The following DNAH8 variants were observed in gnomAD, a reference collection of about 807,000 sequenced individuals.
DNAH8 encodes the protein axonemal beta dynein heavy chain 8.
Under a neutral mutation model 562.1 loss-of-function variants are expected in DNAH8, and 382 were observed. The observed-to-expected ratio is 0.68, with a 90% CI of 0.63 to 0.74. DNAH8 has a LOEUF of 0.74. Among genes scored for constraint, DNAH8 ranks in the 30% least tolerant of loss-of-function variants. DNAH8 has a pLI of 0.00. For missense variants in DNAH8, 5,203 were observed against 5,620.4 expected (o/e 0.93, Z 2.37); for synonymous variants, 1,881 against 1,919.4 (o/e 0.98, Z 0.52).
At chr6:38,876,909 A>T (rs1343207031) in intron 53 of DNAH8, among the ~76,000 whole-genome samples, 2 of 152,178 alleles carry the variant, frequency 1.3e-5, no homozygotes, top group Non-Finnish European at 2.9e-5. Flanking sequence ...GAGATAAATA[A>T]ATTTTTTCAG....
intron 81 of DNAH8, among the ~76,000 whole-genome samples, chr6:38,951,058 T>G (rs1411166318): frequency 6.6e-6 from 1 of 152,156 alleles, no homozygotes; most frequent in East Asian, 1.9e-4. Context: ...GCCCCTACCA[T>G]GTGTTGGAGC....
chr6:38,718,886 A>G (rs757113218), intron 1 of DNAH8, among the ~76,000 whole-genome samples: 1 of 152,116 alleles, frequency 6.6e-6, no homozygotes, highest in Non-Finnish European at 1.5e-5. Context: ...CCCTGCTTTG[A>G]CCTGTTCATA....
intron 35 of DNAH8, 151 bp from the exon 36 acceptor site, chr6:38,845,423 T>G (rs1183520571): frequency 1.6e-5 from 10 of 616,832 alleles, no homozygotes; most frequent in Middle Eastern, 4.1e-4. Flanking sequence ...TGCAACACAA[T>G]GATCTGAAGC....
chr6:39,014,514 A>G (rs1479009646), intron 91 of DNAH8, among the ~76,000 whole-genome samples: 7 of 152,220 alleles, frequency 4.6e-5, no homozygotes, highest in Non-Finnish European at 1.0e-4. Context: ...AAAGGAGCCT[A>G]TAATCTGGTT....
rs1022353296 is a variant in DNAH8, at chr6:38,835,426, C to T, written c.4365+785C>T. On this transcript the variant is annotated intron_variant, in intron 32 of 92. Transcript: ENST00000327475. ...CTGCTAAAATCTGATAGAGAGATAG[C>T]AAGCTAGAGAGAAAACTGCAAGTGC... is the stretch of plus-strand genomic sequence containing the variant. 3.3e-5 allele frequency among the ~76,000 whole-genome samples: 5 copies of T among 151,872 alleles called. No homozygotes were observed. The South Asian group carries it at 6.2e-4, about 19-fold the overall frequency.
intron 79 of DNAH8, 88 bp downstream of exon 79, chr6:38,939,076 C>A (rs940808882): frequency 9.9e-7 from 1 of 1,008,570 alleles, no homozygotes; most frequent in Non-Finnish European, 1.4e-6. Context: ...TTCTGTGATA[C>A]AGTAGGGAAA....
At position 38,787,695 on chromosome 6, in the gene DNAH8, C is replaced by CAAAAAAAAAAAAAAAAAA. The variant is rs67293877; in HGVS notation, c.2583+749_2583+766dup. Among the ~76,000 whole-genome samples, 2 of 79,620 alleles carry CAAAAAAAAAAAAAAAAAA rather than the reference C, an allele frequency of 2.5e-5. 1 individual carries two copies. 52.2% of individuals were successfully genotyped at this position (79,620 alleles called of 152,430 possible). The stretch of plus-strand genomic sequence containing the variant: ...TGGGTGACAGAGTAAGACTCCATCT[C>CAAAAAAAAAAAAAAAAAA]AAAAAAAAAAAAAAAAAAAAAAAGT... On this transcript the variant is annotated intron_variant, in intron 18 of 92. Transcript: ENST00000327475.
rs547151761 is a variant in DNAH8 at position 38,983,945 on chromosome 6, G to A, written c.12952-261G>A. On this transcript the variant is annotated intron_variant, in intron 86 of 92. Coordinates refer to ENST00000327475, the MANE Select transcript of DNAH8 (RefSeq NM_001206927.2). ...AATTATATCCCCAGAGTGAAAATTA[G>A]TCTTTTTCCCTATTTTAAATAATAT... is the stretch of plus-strand genomic sequence containing the variant. Among the ~76,000 whole-genome samples the A allele has an allele frequency of 3.3e-5, 5 of 152,206 alleles. No individual in the cohort carries two copies. The East Asian group carries it at 9.6e-4, about 29-fold the overall frequency.
intron 11 of DNAH8, among the ~76,000 whole-genome samples, chr6:38,766,978 A>C (rs1562707815): frequency 6.6e-6 from 1 of 152,166 alleles, no homozygotes; most frequent in African/African-American, 2.4e-5. Context: ...CTCTTTTTGT[A>C]TAATTAAAAA....
intron 4 of DNAH8, among the ~76,000 whole-genome samples, chr6:38,731,730 G>T (rs1045883087): frequency 9.9e-5 from 15 of 152,232 alleles, no homozygotes; most frequent in Admixed American, 8.5e-4. Context: ...TGTTGTTTTT[G>T]TTGAAGCAGA....
chr6:38,852,167 G>T (rs1775800315), intron 39 of DNAH8, among the ~76,000 whole-genome samples: 1 of 152,080 alleles, frequency 6.6e-6, no homozygotes, highest in South Asian at 2.1e-4. Context: ...ATTTCCTAGA[G>T]CAATACTTTG....
intron 69 of DNAH8, 102 bp downstream of exon 69, chr6:38,917,508 A>T: frequency 2.1e-6 from 2 of 950,072 alleles, no homozygotes; most frequent in South Asian, 3.5e-5. Context: ...ATAATTGATC[A>T]TTGCGTATTG....
At chr6:38,847,572 A>G (rs1775397232) in intron 36 of DNAH8, among the ~76,000 whole-genome samples, 1 of 152,112 alleles carries the variant, frequency 6.6e-6, no homozygotes, top group South Asian at 2.1e-4. Context: ...AACTTCATGT[A>G]TAACATAGGC....
intron 41 of DNAH8, among the ~76,000 whole-genome samples, chr6:38,855,896 A>G (rs1776158743): frequency 1.3e-5 from 2 of 152,254 alleles, no homozygotes; most frequent in Admixed American, 6.5e-5. Context: ...GGCGAACCCT[A>G]TTGTGAACTG....
intron 41 of DNAH8, among the ~76,000 whole-genome samples, chr6:38,855,836 T>C (rs1776152167): frequency 6.6e-6 from 1 of 152,210 alleles, no homozygotes; most frequent in Non-Finnish European, 1.5e-5. Context: ...CATGACTGCC[T>C]GTGCTCCACC....
chr6:38,761,587 C>T (rs1172493513), intron 10 of DNAH8, 115 bp from the exon 11 acceptor site: 1 of 564,700 alleles, frequency 1.8e-6, no homozygotes, highest in Admixed American at 4.1e-5. Flanking sequence ...TGAGCCACTG[C>T]ACTTGGCCCA....
At position 38,973,784 on chromosome 6, in the gene DNAH8, C is replaced by T. The variant is rs779471571; in HGVS notation, c.12649C>T (p.His4217Tyr). ...SFRVWITTEP[H>Y]DRFPITLLQT... ...CCGAGTATGGATAACTACGGAGCCC[C>T]ATGATCGATTTCCAATTACATTGCT... Residue 4217 changes from histidine to tyrosine, a missense_variant, in exon 84 of 93, where the codon CAT becomes TAT. By Grantham distance (83) the His-to-Tyr change is moderately conservative. Transcript: ENST00000327475. 2 of 1,605,962 alleles carry T rather than the reference C, an allele frequency of 1.2e-6. No individual in the cohort carries two copies. Among genetic ancestry groups the T allele is most frequent in the Non-Finnish European group, 1.7e-6 (2 of 1,177,642 alleles).
intron 33 of DNAH8, 63 bp downstream of exon 33, chr6:38,838,105 C>T: frequency 9.7e-7 from 1 of 1,032,750 alleles, no homozygotes; most frequent in South Asian, 1.4e-5. Context: ...TTAGAAGAAT[C>T]ATGTCACCAT....
At chr6:38,910,591 C>T (rs1780814187) in intron 65 of DNAH8, among the ~76,000 whole-genome samples, 2 of 152,070 alleles carry the variant, frequency 1.3e-5, no homozygotes, top group African/African-American at 4.8e-5. Flanking sequence ...ATTTGAACGC[C>T]TGCTAATGTC....
Sources: gnomAD v4.1 joint callset for allele counts (sites outside exome capture counted in the v4.1 genomes callset) on GRCh38, gnomAD v4.1.1 for gene constraint, MANE v1.5 for transcripts, NCBI Gene and HGNC (gene_info 2026-07-23, HGNC 2026-07-21) for gene names.